CDH4: variants seen among roughly 807,000 people sequenced by gnomAD.
CDH4 encodes the protein cadherin 4.
A neutral mutation model predicts 86.0 loss-of-function variants in CDH4; 33 were observed. The ratio of observed to expected loss-of-function variants is 0.38; its 90% CI spans 0.29 to 0.51. The LOEUF (loss-of-function observed/expected upper bound fraction) is 0.51, where lower values mean the gene tolerates loss of function less well. Ranked by LOEUF, CDH4 falls within the 20% of genes least tolerant of loss-of-function variation. The probability of loss-of-function intolerance (pLI) is 0.86; values close to 1 mark genes in which losing one functional copy is unlikely to be tolerated. For synonymous variants in CDH4, 555 were observed against 549.4 expected, an observed-to-expected ratio of 1.01 and a Z score of -0.14; for missense variants, 1,114 against 1,307.4, an observed-to-expected ratio of 0.85 and a Z score of 2.28.
chr20:61,928,198 C>A lies in CDH4; in HGVS notation c.1780C>A (p.Pro594Thr). Residue 594 changes from proline to threonine, a missense_variant, in exon 12 of 16, where the codon CCG becomes ACG. Transcript: ENST00000614565. ...CTGTGTCTGTTCCACAGGGATACCC[C>A]CGGCCAGCGGCACCGGGACCCTCCA... ...TFLAADNGIP[P>T]ASGTGTLQIY... 1 of 1,600,386 alleles carries A rather than the reference C, an allele frequency of 6.2e-7. No homozygotes were observed. Among genetic ancestry groups the A allele is most frequent in the South Asian group, 1.1e-5 (1 of 91,080 alleles).
intron 2 of CDH4, among the ~76,000 whole-genome samples, chr20:61,617,763 C>T (rs1320320445): frequency 6.6e-6 from 1 of 152,156 alleles, no homozygotes; most frequent in African/African-American, 2.4e-5. Context: ...TGCACTGTCA[C>T]CCCAAAACTG....
At chr20:61,423,506 C>A (rs950651843) in intron 2 of CDH4, among the ~76,000 whole-genome samples, 1 of 152,238 alleles carries the variant, frequency 6.6e-6, no homozygotes, top group Non-Finnish European at 1.5e-5. Context: ...AGACCCCTAT[C>A]TCCATTTCTT....
chr20:61,901,210 G>A (rs1021908803), intron 8 of CDH4, among the ~76,000 whole-genome samples: 3 of 105,502 alleles, frequency 2.8e-5, no homozygotes, highest in African/African-American at 9.2e-5. Context: ...GCAGGAGCAG[G>A]AGCAGGAGGA....
At chr20:61,894,428 TTG>T (rs924990986) in intron 7 of CDH4, among the ~76,000 whole-genome samples, 2 of 152,204 alleles carry the variant, frequency 1.3e-5, no homozygotes, top group Non-Finnish European at 2.9e-5. Context: ...GGGAAAGGGT[TTG>T]TCTTTTCTTC....
intron 9 of CDH4, among the ~76,000 whole-genome samples, chr20:61,920,200 G>GGTGTC: frequency 6.8e-6 from 1 of 146,178 alleles, no homozygotes; most frequent in African/African-American, 2.5e-5. Context: ...GTGGTGTCAT[G>GGTGTC]GTGACTGCGT....
intron 2 of CDH4, among the ~76,000 whole-genome samples, chr20:61,349,740 G>A (rs2084699086): frequency 6.6e-6 from 1 of 152,182 alleles, no homozygotes; most frequent in Non-Finnish European, 1.5e-5. Flanking sequence ...CGGCTCTCAG[G>A]GGCAGTCTTG....
intron 9 of CDH4, among the ~76,000 whole-genome samples, chr20:61,912,334 AG>A (rs1325378140): frequency 6.6e-6 from 1 of 152,220 alleles, no homozygotes; most frequent in Non-Finnish European, 1.5e-5. Flanking sequence ...GGAAGAAAAT[AG>A]GCTTTCTCCA....
At chr20:61,784,928 T>C (rs1978794708) in intron 4 of CDH4, among the ~76,000 whole-genome samples, 1 of 152,092 alleles carries the variant, frequency 6.6e-6, no homozygotes, top group East Asian at 1.9e-4. Flanking sequence ...GCCTCCTCCT[T>C]CCTGGCCTCC....
chr20:61,474,122 G>A (rs1364791260), intron 2 of CDH4, among the ~76,000 whole-genome samples: 16 of 147,758 alleles, frequency 1.1e-4, no homozygotes, highest in East Asian at 7.9e-4. Flanking sequence ...ACATCCACTC[G>A]ATGAGGTATT....
At chr20:61,649,001 C>T (rs1021796572) in intron 2 of CDH4, among the ~76,000 whole-genome samples, 3 of 152,188 alleles carry the variant, frequency 2.0e-5, no homozygotes, top group Admixed American at 6.5e-5. Context: ...CCAACCTCCT[C>T]TCCTCCAAAT....
chr20:61,692,966 T>G (rs758678638), intron 2 of CDH4, among the ~76,000 whole-genome samples: 13 of 152,098 alleles, frequency 8.5e-5, no homozygotes, highest in Non-Finnish European at 1.9e-4. Flanking sequence ...AAGGAGAATT[T>G]TTTTCCAGTT....
intron 2 of CDH4, among the ~76,000 whole-genome samples, chr20:61,290,436 C>CACA (rs1349205490): frequency 7.2e-6 from 1 of 138,006 alleles, no homozygotes; most frequent in Non-Finnish European, 1.6e-5. Flanking sequence ...GGGTTTATCC[C>CACA]GATATCCAAT....
At chr20:61,926,748 C>T (rs1396230051) in intron 11 of CDH4, among the ~76,000 whole-genome samples, 1 of 152,186 alleles carries the variant, frequency 6.6e-6, no homozygotes, top group African/African-American at 2.4e-5. Context: ...TGGTGCACGC[C>T]TGTAATCCCA....
chr20:61,940,524 T>G lies in CDH4; in HGVS notation c.*3581T>G, dbSNP rs555859564. ...GTGTGTTTCCAGTGCCAGACAGTCTTGGTCCTGAACTCAGTAGACCCTTGC... is the reference window on the plus strand; with the variant it reads ...GTGTGTTTCCAGTGCCAGACAGTCTGGGTCCTGAACTCAGTAGACCCTTGC... On this transcript the variant is annotated 3_prime_UTR_variant, in exon 16 of 16. Coordinates refer to ENST00000614565, the MANE Select transcript of CDH4 (RefSeq NM_001794.5). 1 of 152,150 alleles carries G rather than the reference T, an allele frequency of 6.6e-6. No homozygotes were observed. Among genetic ancestry groups the G allele is most frequent in the East Asian group, 1.9e-4 (1 of 5,180 alleles). 9.4% of individuals were successfully genotyped at this position (152,150 alleles called of 1,614,324 possible).
rs538377248 is a variant in CDH4 at position 61,326,729 on chromosome 20, A to T, written c.169+71792A>T. On this transcript the variant is annotated intron_variant, in intron 2 of 15. Coordinates refer to ENST00000614565, the MANE Select transcript of CDH4 (RefSeq NM_001794.5). ...TTCCACAGGACACAGCCTCTCCCAC[A>T]CCAGGTCACATCAATTGGTATCAAA... Among the ~76,000 whole-genome samples the T allele has an allele frequency of 1.9e-4, 29 of 152,248 alleles. No homozygotes were observed. In the East Asian group the frequency reaches 4.4e-3, roughly 23 times the overall value.
At chr20:61,853,665 C>G (rs765719703) in intron 6 of CDH4, among the ~76,000 whole-genome samples, 1 of 152,190 alleles carries the variant, frequency 6.6e-6, no homozygotes, top group South Asian at 2.1e-4. Context: ...ACCCTCAGGG[C>G]GCACATGGGT....
intron 2 of CDH4, among the ~76,000 whole-genome samples, chr20:61,564,032 G>C (rs898603811): frequency 6.6e-6 from 1 of 152,028 alleles, no homozygotes; most frequent in African/African-American, 2.4e-5. Flanking sequence ...GTCCCTCAAT[G>C]CACCTCCTCT....
At chr20:61,769,946 G>T (rs1280475265) in intron 3 of CDH4, among the ~76,000 whole-genome samples, 1 of 152,224 alleles carries the variant, frequency 6.6e-6, no homozygotes, top group Admixed American at 6.5e-5. Context: ...GGTCTTGGAG[G>T]ACAGGTGGGA....
At chr20:61,578,374 G>A (rs1381940142) in intron 2 of CDH4, among the ~76,000 whole-genome samples, 1 of 152,194 alleles carries the variant, frequency 6.6e-6, no homozygotes, top group Non-Finnish European at 1.5e-5. Context: ...TCATACCATA[G>A]CATTCTGTGA....
Sources: gnomAD v4.1 joint callset for allele counts (sites outside exome capture counted in the v4.1 genomes callset) on GRCh38, gnomAD v4.1.1 for gene constraint, MANE v1.5 for transcripts, NCBI Gene and HGNC (gene_info 2026-07-23, HGNC 2026-07-21) for gene names.